MAP4K4: variants seen among roughly 807,000 people sequenced by gnomAD.
MAP4K4 encodes the protein HPK/GCK-like kinase HGK.
MAP4K4 carries 38 observed loss-of-function variants against 189.6 expected under a neutral mutation model. The ratio of observed to expected loss-of-function variants is 0.20; its 90% confidence interval spans 0.15 to 0.26. MAP4K4 has a LOEUF of 0.26. MAP4K4 is among the 10% of genes least tolerant of loss of function. The pLI, the probability that MAP4K4 is intolerant of heterozygous loss-of-function variation, is 1.00. For synonymous variants in MAP4K4, 610 were observed against 624.3 expected (o/e 0.98, Z 0.34); for missense variants, 1,054 against 1,726.9 (o/e 0.61, Z 6.91).
intron 27 of MAP4K4, among the ~76,000 whole-genome samples, chr2:101,880,858 T>C (rs2098367010): frequency 6.6e-6 from 1 of 152,206 alleles, no homozygotes; most frequent in African/African-American, 2.4e-5. Context: ...TTTGTCTCTT[T>C]TTGTGCTAAT....
chr2:101,724,976 A>G (rs2054414005), intron 2 of MAP4K4, among the ~76,000 whole-genome samples: 1 of 152,204 alleles, frequency 6.6e-6, no homozygotes. Flanking sequence ...GTATATTGAC[A>G]TACTGTGCAG....
intron 2 of MAP4K4, among the ~76,000 whole-genome samples, chr2:101,742,588 A>G (rs1292196610): frequency 6.6e-6 from 1 of 152,110 alleles, no homozygotes; most frequent in Non-Finnish European, 1.5e-5. Context: ...ATGAGTGAGG[A>G]CTAAAGCTAG....
chr2:101,699,198 G>T (rs1415587093), intron 2 of MAP4K4, among the ~76,000 whole-genome samples: 1 of 152,156 alleles, frequency 6.6e-6, no homozygotes, highest in African/African-American at 2.4e-5. Flanking sequence ...GACAGAGAGC[G>T]AAGAGAATAT....
At chr2:101,846,645 T>G (rs1008853735) in intron 12 of MAP4K4, among the ~76,000 whole-genome samples, 1 of 152,226 alleles carries the variant, frequency 6.6e-6, no homozygotes, top group Non-Finnish European at 1.5e-5. Context: ...TAGATGCTGG[T>G]GAATGTCTGT....
intron 5 of MAP4K4, among the ~76,000 whole-genome samples, chr2:101,826,280 A>G (rs1362217851): frequency 2.0e-5 from 3 of 152,114 alleles, no homozygotes; most frequent in Admixed American, 1.3e-4. Context: ...AAGTTATCCC[A>G]CTTTTTATAT....
intron 10 of MAP4K4, among the ~76,000 whole-genome samples, chr2:101,840,584 C>T (rs760129080): frequency 1.1e-4 from 17 of 152,198 alleles, no homozygotes; most frequent in African/African-American, 4.1e-4. Flanking sequence ...GAATGTTCTC[C>T]GTTTTCCTTC....
At chr2:101,745,414 T>C (rs1224250268) in intron 2 of MAP4K4, among the ~76,000 whole-genome samples, 1 of 92,196 alleles carries the variant, frequency 1.1e-5, no homozygotes, top group Non-Finnish European at 2.0e-5. Flanking sequence ...ATTTCCTACA[T>C]ACAATTCAAG....
intron 15 of MAP4K4, 57 bp from the exon 16 acceptor site, chr2:101,860,768 A>G (rs555818905): frequency 2.2e-6 from 3 of 1,390,068 alleles, no homozygotes; most frequent in Admixed American, 5.1e-5. Flanking sequence ...ACTTTCTTTG[A>G]TATTTCTGCT....
At chr2:101,705,161 A>G (rs572488451) in intron 2 of MAP4K4, among the ~76,000 whole-genome samples, 9 of 152,226 alleles carry the variant, frequency 5.9e-5, no homozygotes, top group Non-Finnish European at 1.2e-4. Context: ...AGGTATAACT[A>G]AATTGGGGAG....
intron 3 of MAP4K4, among the ~76,000 whole-genome samples, chr2:101,814,063 G>A (rs2095580987): frequency 6.6e-6 from 1 of 152,168 alleles, no homozygotes; most frequent in Non-Finnish European, 1.5e-5. Context: ...AAGGCATGAT[G>A]ACTGGTGCCA....
chr2:101,698,194 G>GCAGCC lies in MAP4K4; in HGVS notation c.57+57_57+58insCAGCC. 150 of 890,808 alleles carry GCAGCC rather than the reference G, an allele frequency of 1.7e-4. 13 individuals carry two copies. The highest frequency in any genetic ancestry group is 1.1e-3 in the South Asian group (23 of 21,424). 55.2% of individuals were successfully genotyped at this position (890,808 alleles called of 1,614,324 possible). A position where few individuals can be genotyped will look rare whatever the true frequency, so the allele number is the denominator to read the frequency against. ...GCGGGCAGCCGGCAGCCGGCAGCCG[G>GCAGCC]GGCCGCGCCCAGGTCGGCCGGGCGC... On this transcript the variant is annotated intron_variant, in intron 1 of 32. Coordinates refer to ENST00000324219, the Ensembl canonical transcript of MAP4K4.
At chr2:101,795,661 T>C (rs1575678203) in intron 3 of MAP4K4, among the ~76,000 whole-genome samples, 2 of 152,216 alleles carry the variant, frequency 1.3e-5, no homozygotes, top group East Asian at 3.8e-4. Context: ...GGAAATATAT[T>C]TGGAGACTAA....
intron 2 of MAP4K4, among the ~76,000 whole-genome samples, chr2:101,731,877 G>T (rs745395940): frequency 6.6e-6 from 1 of 152,056 alleles, no homozygotes; most frequent in Non-Finnish European, 1.5e-5. Context: ...AAATGAAAAA[G>T]TTTTGGTTCC....
At chr2:101,719,558 A>C (rs2149418570) in intron 2 of MAP4K4, among the ~76,000 whole-genome samples, 1 of 152,322 alleles carries the variant, frequency 6.6e-6, no homozygotes, top group African/African-American at 2.4e-5. Flanking sequence ...AGAGGGGGAA[A>C]GTGGGCAGGT....
In MAP4K4 at chr2:101,730,813, C is replaced by T. The variant is rs112252120; in HGVS notation, c.123+32275C>T. ...CTGTAATCCCAGCACTTTGGGAGGC[C>T]GAGGCAGGCGGATCATGAGATCAGG... is the stretch of plus-strand genomic sequence containing the variant. On this transcript the variant is annotated intron_variant, in intron 2 of 32. Coordinates refer to ENST00000324219, the Ensembl canonical transcript of MAP4K4. 2.3e-4 allele frequency among the ~76,000 whole-genome samples: 35 copies of T among 152,006 alleles called. 1 individual carries two copies. Among genetic ancestry groups the T allele is most frequent in the Admixed American group, 2.0e-4 (3 of 15,258 alleles).
In MAP4K4 at chr2:101,853,588, T is replaced by TA. The variant is rs570907404; in HGVS notation, c.1234-2388dup. On this transcript the variant is annotated intron_variant, in intron 12 of 32. Coordinates refer to ENST00000324219, the Ensembl canonical transcript of MAP4K4. Reference sequence around the variant, plus strand: ...GGAAGTGAATACTACAGAAAGAACATACAGGAATAATTTAAGCAAAATTTC... The same window carrying TA: ...GGAAGTGAATACTACAGAAAGAACATAACAGGAATAATTTAAGCAAAATTTC... Among the ~76,000 whole-genome samples, 194 of 152,202 alleles carry TA rather than the reference T, an allele frequency of 1.3e-3. 1 individual carries two copies. The highest frequency in any genetic ancestry group is 4.6e-3 in the African/African-American group (190 of 41,522).
intron 6 of MAP4K4, 24 bp downstream of exon 6, chr2:101,829,618 A>C: frequency 1.3e-6 from 2 of 1,551,458 alleles, no homozygotes; most frequent in Non-Finnish European, 1.8e-6. Flanking sequence ...GTGCGGCGTG[A>C]TCTCATAATT....
intron 6 of MAP4K4, among the ~76,000 whole-genome samples, chr2:101,831,155 C>A (rs2096585113): frequency 6.6e-6 from 1 of 152,168 alleles, no homozygotes; most frequent in Non-Finnish European, 1.5e-5. Flanking sequence ...CCACCACCAT[C>A]CAATTGGGTG....
chr2:101,751,100 T>C (rs17810475), intron 2 of MAP4K4, among the ~76,000 whole-genome samples: 37,313 of 152,060 alleles, frequency 0.25, 5,469 homozygotes, highest in Non-Finnish European at 0.31. Flanking sequence ...CCTCTGTTGG[T>C]GTGTTGGAAA....
Sources: gnomAD v4.1 joint callset for allele counts (sites outside exome capture counted in the v4.1 genomes callset) on GRCh38, gnomAD v4.1.1 for gene constraint, MANE v1.5 for transcripts, NCBI Gene and HGNC (gene_info 2026-07-23, HGNC 2026-07-21) for gene names.